Variants in TERT observed in about 807,000 individuals in gnomAD.
TERT encodes the protein telomerase reverse transcriptase.
Under a neutral mutation model 104.0 loss-of-function variants are expected in TERT, and 42 were observed. The ratio of observed to expected loss-of-function variants is 0.40; its 90% CI spans 0.32 to 0.52. The LOEUF (loss-of-function observed/expected upper bound fraction) is 0.52. Ranked by LOEUF, TERT falls within the 20% of genes least tolerant of loss-of-function variation. The pLI, the probability that TERT is intolerant of heterozygous loss-of-function variation, is 0.43. For missense variants in TERT, 1,101 were observed against 1,610.3 expected (o/e 0.68, Z 5.41); for synonymous variants, 781 against 725.6 (o/e 1.08, Z -1.23).
intron 2 of TERT, among the ~76,000 whole-genome samples, chr5:1,289,085 G>C (rs1198651183): frequency 6.6e-6 from 1 of 152,030 alleles, no homozygotes; most frequent in Non-Finnish European, 1.5e-5. Flanking sequence ...CCTGGGGACA[G>C]AGCCTCACTC....
In TERT at chr5:1,279,294, G is replaced by C. The variant is rs765264494; in HGVS notation, c.2127C>G (p.Val709=). ...CACGGGGGTCCCCGGCACCCACCTT[G>C]ACAAAGTACAGCTCAGGCGGCGGGT... ...AQDPPPELYF[V]KVDVTGAYDT... is the part of the protein sequence containing the mutation. Residue 709 remains valine, a synonymous_variant, in exon 5 of 16, where the codon GTC becomes GTG. Coordinates refer to ENST00000310581, the MANE Select transcript of TERT (RefSeq NM_198253.3). The C allele has an allele frequency of 1.5e-4, 241 of 1,579,880 alleles. No homozygotes were observed. Among genetic ancestry groups the C allele is most frequent in the Non-Finnish European group, 1.9e-4 (227 of 1,165,192 alleles).
intron 9 of TERT, among the ~76,000 whole-genome samples, chr5:1,267,630 T>C (rs1046133966): frequency 6.6e-6 from 1 of 152,224 alleles, no homozygotes; most frequent in Non-Finnish European, 1.5e-5. Context: ...GTGGCACATA[T>C]ACACCACGGA....
intron 4 of TERT, 67 bp downstream of exon 4, chr5:1,280,091 C>G: frequency 1.2e-6 from 2 of 1,601,014 alleles, no homozygotes; most frequent in Non-Finnish European, 1.7e-6. Flanking sequence ...TTCATCTAAG[C>G]TGATACCAAA....
At chr5:1,267,829 T>TG (rs1429268973) in intron 9 of TERT, among the ~76,000 whole-genome samples, 2 of 152,062 alleles carry the variant, frequency 1.3e-5, no homozygotes, top group Admixed American at 1.3e-4. Flanking sequence ...CACCAGGGCC[T>TG]GTCATGGGAT....
intron 2 of TERT, among the ~76,000 whole-genome samples, chr5:1,285,251 T>C (rs1380654287): frequency 3.2e-4 from 39 of 120,664 alleles, no homozygotes; most frequent in South Asian, 5.9e-4. Context: ...GGCGACCTCA[T>C]CCCAGACGTG....
Position 1,286,470 on chromosome 5 carries a change from A to G in TERT, c.1574-3846T>C, listed in dbSNP as rs1203212100. Among the ~76,000 whole-genome samples, 1 of 152,216 alleles carries G rather than the reference A, an allele frequency of 6.6e-6. No homozygotes were observed. The highest frequency in any genetic ancestry group is 1.5e-5 in the Non-Finnish European group (1 of 68,038). ...GTGGGGGTGTCAAGATGCCTGAGAT[A>G]GAACTAAGTCAGCAGGGAAAACAGC... On this transcript the variant is annotated intron_variant, in intron 2 of 15. Transcript: ENST00000310581. The surrounding 1 kb of genome is among the most constrained non-coding windows in gnomAD (Gnocchi z 5.3).
chr5:1,283,372 G>C (rs1464798764), intron 2 of TERT, among the ~76,000 whole-genome samples: 1 of 113,996 alleles, frequency 8.8e-6, no homozygotes, highest in African/African-American at 3.5e-5. Flanking sequence ...TGCACCATCT[G>C]GATACAGCAC....
chr5:1,283,478 C>CT (rs1750209056), intron 2 of TERT, among the ~76,000 whole-genome samples: 1 of 146,538 alleles, frequency 6.8e-6, no homozygotes, highest in African/African-American at 2.5e-5. Context: ...GACCTCACCC[C>CT]GGACCTGCAC....
At chr5:1,271,641 C>G (rs1749044077) in intron 7 of TERT, among the ~76,000 whole-genome samples, 1 of 152,134 alleles carries the variant, frequency 6.6e-6, no homozygotes, top group Non-Finnish European at 1.5e-5. Context: ...CAAGTGCTAA[C>G]AGGCATCTGC....
At chr5:1,289,208 A>G (rs1487061772) in intron 2 of TERT, among the ~76,000 whole-genome samples, 2 of 145,244 alleles carry the variant, frequency 1.4e-5, no homozygotes, top group Non-Finnish European at 3.0e-5. Context: ...ACACCCGGGG[A>G]CGGCGCCTCA....
At chr5:1,259,537 AGACGCAGATGCCCACAGGAGAGGGAGTG>A (rs1748039537) in intron 12 of TERT, among the ~76,000 whole-genome samples, 18 of 82,080 alleles carry the variant, frequency 2.2e-4, no homozygotes, top group African/African-American at 6.8e-4. Flanking sequence ...GAGAGGGAGC[AGACGCAGATGCCCACAGGAGAGGGAGTG>A]GACGCAGATG....
Position 1,294,888 on chromosome 5 carries a change from C to A in TERT, c.102G>T (p.Gln34His), listed in dbSNP as rs1751296255. 7.0e-7 allele frequency: 1 copy of A among 1,437,134 alleles called. No individual in the cohort carries two copies. The highest frequency in any genetic ancestry group is 2.7e-5 in the Admixed American group (1 of 36,920). 89.0% of individuals were successfully genotyped at this position (1,437,134 alleles called of 1,614,324 possible). ...LATFVRRLGP[Q>H]GWRLVQRGDP... ...CCCCGCGCTGCACCAGCCGCCAGCC[C>A]TGGGGCCCCAGGCGCCGCACGAACG... is the stretch of plus-strand genomic sequence containing the variant. Residue 34 changes from glutamine to histidine, a missense_variant, in exon 1 of 16, where the codon CAG (glutamine) becomes CAT (histidine). This residue lies in a region of TERT where 87 missense variants were observed against 145.4 expected (regional missense o/e 0.60). Transcript: ENST00000310581.
In TERT at chr5:1,254,638, G is replaced by A. The variant is rs35080081; in HGVS notation, c.3158-133C>T. The A allele has an allele frequency of 1.7e-3, 1,691 of 979,096 alleles. 21 individuals are homozygous for A. In the African/African-American group the frequency reaches 0.025, roughly 15 times the overall value. 60.7% of individuals were successfully genotyped at this position (979,096 alleles called of 1,614,324 possible). A position where few individuals can be genotyped will look rare whatever the true frequency, so the allele number is the denominator to read the frequency against. On this transcript the variant is annotated intron_variant, in intron 14 of 15. Transcript: ENST00000310581. Reference sequence around the variant, plus strand: ...GGCTGTCCCGACCCAAGCACCGCAGGAGTCACGACAGAAATGTTTTCTTCG... The same window carrying A: ...GGCTGTCCCGACCCAAGCACCGCAGAAGTCACGACAGAAATGTTTTCTTCG...
In TERT at chr5:1,292,396, G is replaced by C. The variant is rs892006697; in HGVS notation, c.1573+917C>G. ...CACTGTCCCTTCCTCAGCAGGTGGA[G>C]CCATCTGCTGTCCTCTGCTCCCATG... On this transcript the variant is annotated intron_variant, in intron 2 of 15. Transcript: ENST00000310581. This position sits in a 1 kb window ranked among gnomAD's most constrained non-coding sequence, Gnocchi z 5.5. Among the ~76,000 whole-genome samples, 3 of 152,172 alleles carry C rather than the reference G, an allele frequency of 2.0e-5. No homozygotes were observed. Among genetic ancestry groups the C allele is most frequent in the African/African-American group, 7.2e-5 (3 of 41,418 alleles).
chr5:1,279,713 C>T (rs988859414), intron 4 of TERT, among the ~76,000 whole-genome samples: 13 of 152,222 alleles, frequency 8.5e-5, no homozygotes, highest in East Asian at 7.7e-4. Flanking sequence ...CCTCAGATGA[C>T]GGGGTCACCG....
chr5:1,256,941 C>T lies in TERT; in HGVS notation c.3033-1530G>A, dbSNP rs1747788117. ...CAGCGGATTTGAATCAGACCCCGCC[C>T]CCAGCGCCACGTGGACCACCACAGC... On this transcript the variant is annotated intron_variant, in intron 13 of 15. Coordinates refer to ENST00000310581, the MANE Select transcript of TERT (RefSeq NM_198253.3). This position sits in a 1 kb window ranked among gnomAD's most constrained non-coding sequence, Gnocchi z 7.0. Among the ~76,000 whole-genome samples, 1 of 152,154 alleles carries T rather than the reference C, an allele frequency of 6.6e-6. No individual in the cohort carries two copies. The highest frequency in any genetic ancestry group is 1.5e-5 in the Non-Finnish European group (1 of 68,022).
In TERT at chr5:1,263,948, C is replaced by A. The variant is rs1748402320; in HGVS notation, c.2843+456G>T. Among the ~76,000 whole-genome samples, 1 of 152,136 alleles carries A rather than the reference C, an allele frequency of 6.6e-6. No individual in the cohort carries two copies. The highest frequency in any genetic ancestry group is 2.1e-4 in the South Asian group (1 of 4,828). On this transcript the variant is annotated intron_variant, in intron 11 of 15. Transcript: ENST00000310581. This position sits in a 1 kb window ranked among gnomAD's most constrained non-coding sequence, Gnocchi z 5.3. ...TGGATGAGCCTTGGAGTGTGGGGCTCACAGCGGAGAGACTCACGCCCAAAA... is the reference window on the plus strand; with the variant it reads ...TGGATGAGCCTTGGAGTGTGGGGCTAACAGCGGAGAGACTCACGCCCAAAA...
chr5:1,260,386 T>A (rs1748137044), intron 12 of TERT, 88 bp downstream of exon 12: 10 of 1,597,078 alleles, frequency 6.3e-6, no homozygotes, highest in Non-Finnish European at 7.7e-6. Flanking sequence ...ACCATCAGCC[T>A]TGCAGGCACG....
chr5:1,289,123 G>T (rs1230649735), intron 2 of TERT, among the ~76,000 whole-genome samples: 1 of 151,788 alleles, frequency 6.6e-6, no homozygotes, highest in Non-Finnish European at 1.5e-5. Flanking sequence ...GACACCCAGG[G>T]ACAGCGCCTC....
Sources: allele counts gnomAD v4.1 joint callset (sites outside exome capture counted in the v4.1 genomes callset), GRCh38; gene constraint gnomAD v4.1.1; regional missense constraint gnomAD v4.1.1; non-coding constraint Gnocchi (gnomAD v3.1); transcripts MANE v1.5; gene names NCBI Gene and HGNC (gene_info 2026-07-23, HGNC 2026-07-21).